Variants in RPTOR observed in about 807,000 individuals in gnomAD.
RPTOR encodes regulatory associated protein of MTOR complex 1.
Under a neutral mutation model 169.9 loss-of-function variants are expected in RPTOR, and 21 were observed. That is an observed-to-expected ratio of 0.12 (90% confidence interval 0.09 to 0.18). The LOEUF (loss-of-function observed/expected upper bound fraction) is 0.18. Ranked by LOEUF, RPTOR falls within the 10% of genes least tolerant of loss-of-function variation. The probability of loss-of-function intolerance (pLI) is 1.00; values close to 1 mark genes in which losing one functional copy is unlikely to be tolerated. For synonymous variants in RPTOR, 732 were observed against 753.2 expected (o/e 0.97, Z 0.46); for missense variants, 1,133 against 1,855.9 (o/e 0.61, Z 7.16).
At chr17:80,628,785 T>G (rs1332519889) in intron 2 of RPTOR, among the ~76,000 whole-genome samples, 1 of 152,194 alleles carries the variant, frequency 6.6e-6, no homozygotes, top group African/African-American at 2.4e-5. Context: ...CCTGTGAAAT[T>G]TATTCTTTTT....
At position 80,754,385 on chromosome 17, in the gene RPTOR, C is replaced by T. The variant is rs960721532; in HGVS notation, c.830+200C>T. On this transcript the variant is annotated intron_variant, in intron 6 of 33. Coordinates refer to ENST00000306801, the MANE Select transcript of RPTOR (RefSeq NM_020761.3). This position sits in a 1 kb window ranked among gnomAD's most constrained non-coding sequence, Gnocchi z 4.2. Reference sequence around the variant, plus strand: ...TCTTTGAGAGCTCAAGATCCTTCTTCCTTCTGATCTGTTCGTGGGCAGCTC... The same window carrying T: ...TCTTTGAGAGCTCAAGATCCTTCTTTCTTCTGATCTGTTCGTGGGCAGCTC... 1.3e-5 allele frequency among the ~76,000 whole-genome samples: 2 copies of T among 152,196 alleles called. No individual in the cohort carries two copies. The highest frequency in any genetic ancestry group is 2.1e-4 in the South Asian group (1 of 4,834).
chr17:80,835,863 G>C (rs1319102293), intron 9 of RPTOR, among the ~76,000 whole-genome samples: 1 of 152,222 alleles, frequency 6.6e-6, no homozygotes, highest in Admixed American at 6.5e-5. Context: ...TGTATCCGCG[G>C]AGATCAAGAC....
At chr17:80,808,053 G>A (rs1012818642) in intron 7 of RPTOR, among the ~76,000 whole-genome samples, 1 of 152,030 alleles carries the variant, frequency 6.6e-6, no homozygotes, top group African/African-American at 2.4e-5. Flanking sequence ...TTAATGCTTT[G>A]GAAAGCTGAG....
At chr17:80,728,446 G>GGT (rs71367012) in intron 4 of RPTOR, among the ~76,000 whole-genome samples, 4,386 of 148,252 alleles carry the variant, frequency 0.03, 138 homozygotes, top group African/African-American at 0.08. Context: ...TCCACTCTGG[G>GGT]GTGTGTGTGT....
chr17:80,655,896 A>G (rs1027742629), intron 3 of RPTOR, among the ~76,000 whole-genome samples: 22 of 152,158 alleles, frequency 1.4e-4, no homozygotes, highest in Middle Eastern at 3.4e-3. Context: ...ATCCCTAGAT[A>G]GATGGAGGGC....
chr17:80,961,634 G>T (rs113945356), intron 31 of RPTOR, 154 bp downstream of exon 31: 3 of 886,456 alleles, frequency 3.4e-6, no homozygotes, highest in Non-Finnish European at 5.0e-6. Context: ...AAGATCAGGC[G>T]CAGCCCGTAG....
In RPTOR at chr17:80,659,815, T is replaced by A. The variant is rs1479372839; in HGVS notation, c.348+16005T>A. ...CTGCGCCCGGACCATCTGGCTAATT[T>A]AAAAAATTTTTTTGTAGAGATAAGG... On this transcript the variant is annotated intron_variant, in intron 3 of 33. Transcript: ENST00000306801. This position sits in a 1 kb window ranked among gnomAD's most constrained non-coding sequence, Gnocchi z 4.3. 2.6e-5 allele frequency among the ~76,000 whole-genome samples: 4 copies of A among 152,134 alleles called. No homozygotes were observed. Among genetic ancestry groups the A allele is most frequent in the Non-Finnish European group, 4.4e-5 (3 of 68,022 alleles).
chr17:80,962,590 C>A lies in RPTOR; in HGVS notation c.3809+13C>A, dbSNP rs747448542. 8 of 1,604,950 alleles carry A rather than the reference C, an allele frequency of 5.0e-6. No individual in the cohort carries two copies. Among genetic ancestry groups the A allele is most frequent in the Non-Finnish European group, 6.0e-6 (7 of 1,173,328 alleles). ...ACCTGATCGCATGGTAGGCGCCACC[C>A]ACCTCCCTGGCCTGCACCGCTCACC... On this transcript the variant is annotated intron_variant, in intron 32 of 33. Coordinates refer to ENST00000306801, the MANE Select transcript of RPTOR (RefSeq NM_020761.3).
chr17:80,732,174 T>A (rs1050358236), intron 5 of RPTOR, among the ~76,000 whole-genome samples: 1 of 150,006 alleles, frequency 6.7e-6, no homozygotes, highest in Non-Finnish European at 1.5e-5. Context: ...AAAAAAAAGG[T>A]GATTTTTTTA....
chr17:80,606,486 T>C (rs1038052248), intron 1 of RPTOR, among the ~76,000 whole-genome samples: 1 of 152,074 alleles, frequency 6.6e-6, no homozygotes, highest in Non-Finnish European at 1.5e-5. Context: ...CTTTTGAAAA[T>C]TTTTTACCTG....
At chr17:80,787,694 G>T (rs2067007387) in intron 6 of RPTOR, among the ~76,000 whole-genome samples, 2 of 152,008 alleles carry the variant, frequency 1.3e-5, no homozygotes, top group Non-Finnish European at 2.9e-5. Flanking sequence ...TGCCATTCTT[G>T]TACATTTTTG....
intron 7 of RPTOR, among the ~76,000 whole-genome samples, chr17:80,815,152 G>C (rs2067310567): frequency 6.6e-6 from 1 of 152,256 alleles, no homozygotes; most frequent in African/African-American, 2.4e-5. Context: ...GTGCTGGGGA[G>C]CAGACACTAG....
intron 6 of RPTOR, among the ~76,000 whole-genome samples, chr17:80,787,061 G>A (rs895948047): frequency 1.3e-5 from 2 of 152,282 alleles, no homozygotes; most frequent in East Asian, 1.9e-4. Flanking sequence ...TGATGCACAC[G>A]CACCTGCCGC....
intron 2 of RPTOR, among the ~76,000 whole-genome samples, chr17:80,636,498 A>G (rs936292542): frequency 2.0e-5 from 3 of 152,096 alleles, no homozygotes; most frequent in African/African-American, 4.8e-5. Flanking sequence ...CCATCTTCCA[A>G]GATGGGGCTG....
intron 1 of RPTOR, among the ~76,000 whole-genome samples, chr17:80,604,586 G>A (rs1391896346): frequency 2.6e-5 from 4 of 152,148 alleles, no homozygotes; most frequent in African/African-American, 4.8e-5. Context: ...TTCTCACGCC[G>A]CTAATAAAGA....
At chr17:80,932,665 A>G (rs939823720) in intron 24 of RPTOR, among the ~76,000 whole-genome samples, 6 of 152,210 alleles carry the variant, frequency 3.9e-5, no homozygotes, top group Admixed American at 3.9e-4. Context: ...GAAAGTACCC[A>G]AAATGAAGCA....
intron 2 of RPTOR, among the ~76,000 whole-genome samples, chr17:80,626,261 C>T (rs2065393330): frequency 6.6e-6 from 1 of 151,518 alleles, no homozygotes; most frequent in African/African-American, 2.4e-5. Context: ...CCATGTTCGC[C>T]AGGATGGTCT....
At chr17:80,788,010 C>A (rs2067011200) in intron 6 of RPTOR, among the ~76,000 whole-genome samples, 1 of 152,092 alleles carries the variant, frequency 6.6e-6, no homozygotes, top group South Asian at 2.1e-4. Flanking sequence ...GAGTTTTCTC[C>A]CCTCTAACTT....
In RPTOR at chr17:80,755,758, AG is replaced by A. The variant is rs1284586442; in HGVS notation, c.830+1574del. ...TGTCTCAAAAAAAAAAAAAAAAAAAAGAAACAAAAAAAGAGGGGAGAGGAGC... is the reference window on the plus strand; with the variant it reads ...TGTCTCAAAAAAAAAAAAAAAAAAAAAAACAAAAAAAGAGGGGAGAGGAGC... On this transcript the variant is annotated intron_variant, in intron 6 of 33. Coordinates refer to ENST00000306801, the MANE Select transcript of RPTOR (RefSeq NM_020761.3). 1.7e-3 allele frequency among the ~76,000 whole-genome samples: 262 copies of A among 149,990 alleles called. 2 individuals are homozygous for A. Among genetic ancestry groups the A allele is most frequent in the Non-Finnish European group, 2.9e-3 (192 of 67,344 alleles).
Sources: gnomAD v4.1 joint callset for allele counts (sites outside exome capture counted in the v4.1 genomes callset) on GRCh38, gnomAD v4.1.1 for gene constraint, Gnocchi (gnomAD v3.1) non-coding constraint, MANE v1.5 for transcripts, NCBI Gene and HGNC (gene_info 2026-07-23, HGNC 2026-07-21) for gene names.